GON4L: variants seen among roughly 807,000 people sequenced by gnomAD.
GON4L encodes gon-4 like.
In GON4L, 87 loss-of-function variants were observed where a neutral mutation model predicts 211.8. The observed-to-expected ratio is 0.41, with a 90% CI of 0.35 to 0.49. The LOEUF (loss-of-function observed/expected upper bound fraction) is 0.49. Among genes scored for constraint, GON4L ranks in the 20% least tolerant of loss-of-function variants. GON4L has a pLI of 0.15. For missense variants in GON4L, 2,155 were observed against 2,659.5 expected (o/e 0.81, Z 4.17); for synonymous variants, 875 against 962.6 (o/e 0.91, Z 1.68).
At chr1:155,813,956 C>A in intron 9 of GON4L, 152 bp from the exon 10 acceptor site, 1 of 688,196 alleles carries the variant, frequency 1.5e-6, no homozygotes, top group Non-Finnish European at 2.5e-6. Flanking sequence ...AAAACAAAGA[C>A]ACCAAGTGTA....
intron 12 of GON4L, among the ~76,000 whole-genome samples, chr1:155,787,760 G>A (rs912385148): frequency 4.0e-5 from 6 of 151,898 alleles, no homozygotes; most frequent in Non-Finnish European, 8.8e-5. Flanking sequence ...GCAACAGGGC[G>A]AGGACTCCAT....
chr1:155,831,059 G>A (rs761156034), intron 2 of GON4L, among the ~76,000 whole-genome samples: 23 of 152,106 alleles, frequency 1.5e-4, no homozygotes, highest in Non-Finnish European at 2.5e-4. Flanking sequence ...AGCACTTTGG[G>A]AGGCTGAGGT....
chr1:155,790,533 C>T (rs551428972), intron 12 of GON4L, among the ~76,000 whole-genome samples: 13 of 152,280 alleles, frequency 8.5e-5, no homozygotes, highest in Non-Finnish European at 1.3e-4. Flanking sequence ...TTAGCCACTA[C>T]GCCCAGTTAG....
intron 2 of GON4L, among the ~76,000 whole-genome samples, chr1:155,836,559 C>T (rs1240630716): frequency 1.3e-5 from 2 of 152,118 alleles, no homozygotes; most frequent in Non-Finnish European, 2.9e-5. Flanking sequence ...ATGTGGTGTT[C>T]TTTAACTGAT....
chr1:155,806,920 T>G (rs1323537330), intron 10 of GON4L, among the ~76,000 whole-genome samples: 2 of 151,824 alleles, frequency 1.3e-5, no homozygotes, highest in African/African-American at 2.4e-5. Context: ...GGTAACACAG[T>G]GAGACCTCAT....
chr1:155,852,709 C>T (rs558579209), intron 2 of GON4L, among the ~76,000 whole-genome samples: 3 of 152,220 alleles, frequency 2.0e-5, no homozygotes, highest in East Asian at 3.9e-4. Flanking sequence ...CGCCACTGCA[C>T]CCTGGCCTGG....
Position 155,777,838 on chromosome 1 carries a change from A to G in GON4L, c.1893-18T>C. The G allele has an allele frequency of 1.3e-6, 2 of 1,527,228 alleles. No individual in the cohort carries two copies. The highest frequency in any genetic ancestry group is 1.8e-6 in the Non-Finnish European group (2 of 1,102,440). 94.6% of individuals were successfully genotyped at this position (1,527,228 alleles called of 1,614,324 possible). A position where few individuals can be genotyped will look rare whatever the true frequency, so the allele number is the denominator to read the frequency against. ...CCTCAAACCTATTCCCAACAGGGAGATGACTGAATTTGAGTGTTTCCGTAG... is the reference window on the plus strand; with the variant it reads ...CCTCAAACCTATTCCCAACAGGGAGGTGACTGAATTTGAGTGTTTCCGTAG... On this transcript the variant is annotated intron_variant, in intron 14 of 31. Transcript: ENST00000368331.
intron 4 of GON4L, among the ~76,000 whole-genome samples, chr1:155,821,892 A>T (rs1257491281): frequency 6.6e-6 from 1 of 152,254 alleles, no homozygotes; most frequent in East Asian, 1.9e-4. Flanking sequence ...GTGTTGCTAC[A>T]TATCAAGAAA....
intron 2 of GON4L, among the ~76,000 whole-genome samples, chr1:155,841,090 A>T (rs1025728516): frequency 3.3e-5 from 5 of 152,230 alleles, no homozygotes; most frequent in African/African-American, 4.8e-5. Flanking sequence ...TATTCATTTA[A>T]TAATTTTGCC....
intron 27 of GON4L, 60 bp from the exon 28 acceptor site, chr1:155,754,548 G>A: frequency 5.3e-6 from 3 of 568,644 alleles, no homozygotes; most frequent in Non-Finnish European, 7.9e-6. Context: ...TTTTTTTTTT[G>A]AGACAGAGTC....
At chr1:155,751,482 G>A (rs1660576031) in intron 31 of GON4L, among the ~76,000 whole-genome samples, 1 of 152,154 alleles carries the variant, frequency 6.6e-6, no homozygotes, top group South Asian at 2.1e-4. Context: ...CTGGGAGGTG[G>A]AGGTTGTAGT....
At chr1:155,815,783 T>G in intron 8 of GON4L, 22 bp downstream of exon 8, 2 of 1,270,030 alleles carry the variant, frequency 1.6e-6, no homozygotes, top group South Asian at 2.4e-5. Flanking sequence ...AAGACAAATA[T>G]TACCAACTAA....
chr1:155,816,483 C>CACCT (rs1471255106), intron 6 of GON4L, among the ~76,000 whole-genome samples: 4 of 152,168 alleles, frequency 2.6e-5, no homozygotes, highest in Non-Finnish European at 4.4e-5. Flanking sequence ...TTCTGCCTTA[C>CACCT]ACCTGGTAAG....
intron 14 of GON4L, among the ~76,000 whole-genome samples, chr1:155,780,772 G>C (rs903286560): frequency 6.6e-6 from 1 of 152,056 alleles, no homozygotes; most frequent in African/African-American, 2.4e-5. Context: ...GATTAAGCAC[G>C]TGCTGATACC....
At chr1:155,759,154 A>C (rs1390558088) in intron 24 of GON4L, among the ~76,000 whole-genome samples, 2 of 151,986 alleles carry the variant, frequency 1.3e-5, no homozygotes, top group East Asian at 3.9e-4. Context: ...GCACCACCAC[A>C]CCCAGTTAGT....
At chr1:155,745,213 A>T (rs1391267352), downstream of GON4L, among the ~76,000 whole-genome samples, 1 of 152,248 alleles carries the variant, frequency 6.6e-6, no homozygotes, top group African/African-American at 2.4e-5. Context: ...GCAAAAACAT[A>T]AATTGCATAA....
intron 2 of GON4L, among the ~76,000 whole-genome samples, chr1:155,849,543 CAA>C (rs916595257): frequency 1.9e-4 from 9 of 46,984 alleles, no homozygotes; most frequent in Non-Finnish European, 1.7e-4. Context: ...GACTCTGTCT[CAA>C]AAAAAAAAAA....
At chr1:155,851,082 C>T (rs1220307551) in intron 2 of GON4L, among the ~76,000 whole-genome samples, 5 of 145,336 alleles carry the variant, frequency 3.4e-5, no homozygotes, top group South Asian at 2.2e-4. Flanking sequence ...GGGCCGGGCG[C>T]GGTGGCACAC....
intron 19 of GON4L, among the ~76,000 whole-genome samples, chr1:155,767,756 T>G (rs908548953): frequency 2.0e-5 from 3 of 152,222 alleles, no homozygotes; most frequent in Non-Finnish European, 4.4e-5. Context: ...TCTATTTAAA[T>G]ATTTCACAAT....
Sources: gnomAD v4.1 joint callset for allele counts (sites outside exome capture counted in the v4.1 genomes callset) on GRCh38, gnomAD v4.1.1 for gene constraint, MANE v1.5 for transcripts, NCBI Gene and HGNC (gene_info 2026-07-23, HGNC 2026-07-21) for gene names.